The following PMPCB variants were observed in gnomAD, a reference collection of about 807,000 sequenced individuals.
PMPCB encodes the protein peptidase, mitochondrial processing subunit beta.
In PMPCB, 46 loss-of-function variants were observed where a neutral mutation model predicts 61.5. The ratio of observed to expected loss-of-function variants is 0.75; its 90% CI spans 0.59 to 0.96. The LOEUF (loss-of-function observed/expected upper bound fraction) is 0.96. Ranked by LOEUF, PMPCB falls within the 40% of genes least tolerant of loss-of-function variation. PMPCB has a pLI of 0.00. For missense variants in PMPCB, 590 were observed against 602.4 expected, an observed-to-expected ratio of 0.98 and a Z score of 0.22; for synonymous variants, 191 against 201.6, an observed-to-expected ratio of 0.95 and a Z score of 0.44.
At chr7:103,312,172 A>T in intron 12 of PMPCB, 35 bp from the exon 13 acceptor site, 1 of 1,614,034 alleles carries the variant, frequency 6.2e-7, no homozygotes, top group Non-Finnish European at 8.5e-7. Flanking sequence ...AAGTTGGCCA[A>T]GTACTTTTAA....
chr7:103,327,299 CTT>C lies in PMPCB; in HGVS notation c.*1432-1631_*1432-1630del. The C allele has an allele frequency of 4.3e-6, 5 of 1,160,906 alleles. No individual in the cohort carries two copies. The South Asian group carries it at 6.7e-5, about 16-fold the overall frequency. The allele number at this position is 1,160,906 out of a possible 1,614,324, so 71.9% of individuals were successfully genotyped here. ...CATCTGAAACGAAAAAAAAAAAAAT[CTT>C]AGTATTCTCATCATTAAATAGAACA... On this transcript the variant is annotated intron_variant and NMD_transcript_variant, in intron 12 of 12. Transcript: ENST00000444457.
intron 12 of PMPCB, chr7:103,327,693 T>C: frequency 1.2e-6 from 2 of 1,613,436 alleles, no homozygotes; most frequent in South Asian, 1.1e-5. Context: ...TATCTCCTTC[T>C]TTTATTGGTT....
In PMPCB at chr7:103,304,480, T is replaced by C. The variant is rs374305715; in HGVS notation, c.726T>C (p.Ala242=). Reference sequence around the variant, plus strand: ...ATAAGGGGCCAAGAATAGTGCTTGCTGCTGCTGGAGGTTAGTCAATTTAAA... The same window carrying C: ...ATAAGGGGCCAAGAATAGTGCTTGCCGCTGCTGGAGGTTAGTCAATTTAAA... ...THYKGPRIVL[A]AAGGVSHDEL... The change falls in exon 6 of 13, where the codon GCT becomes GCC. Residue 242 remains alanine, a synonymous_variant. Coordinates refer to ENST00000249269, the MANE Select transcript of PMPCB (RefSeq NM_004279.3). The C allele has an allele frequency of 3.1e-5, 49 of 1,601,496 alleles. No homozygotes were observed. The highest frequency in any genetic ancestry group is 3.9e-5 in the Non-Finnish European group (46 of 1,168,504).
intron 6 of PMPCB, among the ~76,000 whole-genome samples, chr7:103,305,916 C>T (rs2115668972): frequency 6.6e-6 from 1 of 152,318 alleles, no homozygotes; most frequent in East Asian, 1.9e-4. Context: ...TGGGACCTCT[C>T]TGCCATTGTT....
At chr7:103,343,052 TGCAATAGC>T in the PMPCB span, among the ~76,000 whole-genome samples, 2 of 151,996 alleles carry the variant, frequency 1.3e-5, no homozygotes, top group Non-Finnish European at 1.5e-5. Context: ...CAGGCTGTAG[TGCAATAGC>T]GCAATCTCGG....
At chr7:103,341,862 G>T in the PMPCB span, 1 of 1,613,010 alleles carries the variant, frequency 6.2e-7, no homozygotes, top group South Asian at 1.1e-5. Context: ...TTATCCTCCA[G>T]TTCCTGAAAA....
chr7:103,341,884 A>G, the PMPCB span: 2 of 1,613,126 alleles, frequency 1.2e-6, no homozygotes, highest in Non-Finnish European at 1.7e-6. Flanking sequence ...AGGCAGAAGC[A>G]TTTCTGTTTC....
chr7:103,320,830 C>CTTTTTTT (rs745754898), intron 12 of PMPCB: 13 of 113,800 alleles, frequency 1.1e-4, no homozygotes, highest in East Asian at 8.2e-4. Context: ...CTCAGCATGT[C>CTTTTTTT]TTTTTTTTTT....
In PMPCB at chr7:103,305,554, T is replaced by A. The variant is rs867100693; in HGVS notation, c.736+1064T>A. ...GATTACAGGCGTGACCCACCGCACC[T>A]GGTCTCCAGTTTTCATTTCTTTGTA... On this transcript the variant is annotated intron_variant, in intron 6 of 12. Transcript: ENST00000249269. Among the ~76,000 whole-genome samples, 7 of 152,262 alleles carry A rather than the reference T, an allele frequency of 4.6e-5. No individual in the cohort carries two copies. The South Asian group carries it at 1.5e-3, about 32-fold the overall frequency.
At position 103,308,948 on chromosome 7, in the gene PMPCB, C is replaced by G; in HGVS notation, c.850-4C>G. ...TAGAGGTCCTCCTGCTTTATCTTAA[C>G]TAGATTCGTGTGAGGGATGACAAGA... On this transcript the variant is annotated splice_polypyrimidine_tract_variant and splice_region_variant and intron_variant, in intron 7 of 12. Transcript: ENST00000249269. 6.4e-7 allele frequency: 1 copy of G among 1,572,648 alleles called. No individual in the cohort carries two copies.
chr7:103,308,054 C>G (rs367904674), intron 7 of PMPCB, among the ~76,000 whole-genome samples: 1 of 152,140 alleles, frequency 6.6e-6, no homozygotes, highest in Non-Finnish European at 1.5e-5. Context: ...ATCTTTTAAA[C>G]CCCGTATTTT....
intron 6 of PMPCB, among the ~76,000 whole-genome samples, chr7:103,307,265 AT>A (rs1457192373): frequency 1.3e-5 from 2 of 152,076 alleles, no homozygotes; most frequent in Non-Finnish European, 2.9e-5. Context: ...GAAAATTGGC[AT>A]TTTTTGCTAG....
the PMPCB span, among the ~76,000 whole-genome samples, chr7:103,346,282 G>A: frequency 6.6e-6 from 1 of 152,096 alleles, no homozygotes; most frequent in Admixed American, 6.5e-5. Flanking sequence ...ACAGGTGCGT[G>A]CCACCACGCC....
At chr7:103,300,753 C>T (rs551376977) in intron 4 of PMPCB, among the ~76,000 whole-genome samples, 3 of 151,688 alleles carry the variant, frequency 2.0e-5, no homozygotes, top group African/African-American at 4.8e-5. Context: ...GGTGTGATCT[C>T]GGCTCGCTGC....
At chr7:103,319,494 CAT>C (rs1586072986), downstream of PMPCB, 11 of 1,033,936 alleles carry the variant, frequency 1.1e-5, no homozygotes, top group South Asian at 8.8e-5. Flanking sequence ...CAGTGGGAAA[CAT>C]AAAGAGAAAT....
rs190480060 is a variant in PMPCB, at chr7:103,313,816, C to T, written c.*1545C>T. On this transcript the variant is annotated 3_prime_UTR_variant, in exon 13 of 13. Coordinates refer to ENST00000249269, the MANE Select transcript of PMPCB (RefSeq NM_004279.3). The stretch of plus-strand genomic sequence containing the variant: ...TTAAGGATGTTAAGTATTACACAGT[C>T]CACTTGTGTAGGTAAAAGTAGAATG... 2.9e-5 allele frequency: 29 copies of T among 984,118 alleles called. No individual in the cohort carries two copies. In the African/African-American group the frequency reaches 4.7e-4, roughly 16 times the overall value. 61.0% of individuals were successfully genotyped at this position (984,118 alleles called of 1,614,324 possible). A position where few individuals can be genotyped will look rare whatever the true frequency, so the allele number is the denominator to read the frequency against.
At chr7:103,300,431 A>T in intron 4 of PMPCB, 124 bp downstream of exon 4, 1 of 668,052 alleles carries the variant, frequency 1.5e-6, no homozygotes, top group South Asian at 3.1e-5. Flanking sequence ...GCGAAACTGA[A>T]TTCTGGGTGA....
chr7:103,313,184 T>C lies in PMPCB; in HGVS notation c.*913T>C. ...TTGTGGTCCACAAGTATTCGCTAAG[T>C]GCCCATTTCAATCTGGGATGTGTCA... On this transcript the variant is annotated 3_prime_UTR_variant, in exon 13 of 13. Transcript: ENST00000249269. The C allele has an allele frequency of 6.7e-7, 1 of 1,481,484 alleles. No homozygotes were observed. The highest frequency in any genetic ancestry group is 8.9e-7 in the Non-Finnish European group (1 of 1,122,128). 91.8% of individuals were successfully genotyped at this position (1,481,484 alleles called of 1,614,324 possible).
At chr7:103,311,463 TA>T (rs1817749285) in intron 9 of PMPCB, 179 bp from the exon 10 acceptor site, 1 of 597,902 alleles carries the variant, frequency 1.7e-6, no homozygotes, top group African/African-American at 1.9e-5. Context: ...TAGGCATGTT[TA>T]TGTATCATTT....
Sources: allele counts gnomAD v4.1 joint callset (sites outside exome capture counted in the v4.1 genomes callset), GRCh38; gene constraint gnomAD v4.1.1; transcripts MANE v1.5; gene names NCBI Gene and HGNC (gene_info 2026-07-23, HGNC 2026-07-21).